The following STPG2 variants were observed in gnomAD, a reference collection of about 807,000 sequenced individuals.
The protein encoded by STPG2 is sperm tail PG-rich repeat containing 2, also known as sperm-tail PG-rich repeat-containing protein 2.
A neutral mutation model predicts 54.2 loss-of-function variants in STPG2; 56 were observed. That is an observed-to-expected ratio of 1.03 (90% CI 0.83 to 1.29). The LOEUF (loss-of-function observed/expected upper bound fraction) is 1.29, where lower values mean the gene tolerates loss of function less well. Among genes scored for constraint, STPG2 ranks in the 50% most tolerant of loss-of-function variants. The pLI is 0.00. For missense variants in STPG2, 596 were observed against 544.9 expected (o/e 1.09, Z -0.93); for synonymous variants, 200 against 181.8 (o/e 1.10, Z -0.81).
chr4:97,688,197 G>A (rs1216332695), intron 10 of STPG2, among the ~76,000 whole-genome samples: 1 of 151,940 alleles, frequency 6.6e-6, no homozygotes, highest in African/African-American at 2.4e-5. Context: ...AAGTTATTGA[G>A]TAGCTTATAC....
chr4:97,755,323 T>A (rs548553889), intron 9 of STPG2, among the ~76,000 whole-genome samples: 8 of 152,274 alleles, frequency 5.3e-5, no homozygotes, highest in Admixed American at 3.3e-4. Flanking sequence ...TGAAAAACAT[T>A]CAACCTGAAT....
At chr4:97,643,333 CA>C (rs1721817349) in intron 10 of STPG2, among the ~76,000 whole-genome samples, 1 of 151,638 alleles carries the variant, frequency 6.6e-6, no homozygotes. Context: ...TTCAATGAAA[CA>C]AACTCTATAC....
chr4:97,548,069 G>C (rs1731881403), intron 4 of STPG2, among the ~76,000 whole-genome samples: 1 of 152,152 alleles, frequency 6.6e-6, no homozygotes, highest in Non-Finnish European at 1.5e-5. Context: ...AGAGTCGCTT[G>C]AACCCTCGAG....
chr4:97,564,744 G>T (rs1360766231), intron 10 of STPG2, among the ~76,000 whole-genome samples: 2 of 152,144 alleles, frequency 1.3e-5, no homozygotes, highest in East Asian at 3.9e-4. Context: ...TTTTCTTTAA[G>T]AATGTTGAAT....
chr4:98,112,072 A>G (rs990281671), intron 3 of STPG2, among the ~76,000 whole-genome samples: 5 of 152,048 alleles, frequency 3.3e-5, no homozygotes, highest in African/African-American at 1.2e-4. Flanking sequence ...ACAGCATATC[A>G]TGGGACTTCT....
intron 9 of STPG2, among the ~76,000 whole-genome samples, chr4:97,722,898 C>T (rs931889159): frequency 2.7e-5 from 4 of 149,888 alleles, no homozygotes; most frequent in African/African-American, 4.9e-5. Context: ...CCCGGGTTCA[C>T]GCCATTCTCC....
chr4:98,051,014 A>AG (rs1431767470), intron 5 of STPG2, among the ~76,000 whole-genome samples: 1 of 68,792 alleles, frequency 1.5e-5, no homozygotes, highest in Non-Finnish European at 3.4e-5. Context: ...CAAAAAAAAG[A>AG]AAAAAAAAAA....
intron 10 of STPG2, among the ~76,000 whole-genome samples, chr4:97,604,038 A>AT (rs1374884088): frequency 6.6e-6 from 1 of 151,724 alleles, no homozygotes; most frequent in Admixed American, 6.6e-5. Flanking sequence ...TATACTCTCC[A>AT]TTTCTGAAAA....
intron 5 of STPG2, among the ~76,000 whole-genome samples, chr4:97,993,299 C>G (rs961313636): frequency 6.6e-6 from 1 of 152,084 alleles, no homozygotes; most frequent in Non-Finnish European, 1.5e-5. Context: ...TAAAGGAATG[C>G]TGGATTTTGT....
At chr4:97,886,547 A>T (rs6825211) in intron 8 of STPG2, among the ~76,000 whole-genome samples, 59,834 of 152,092 alleles carry the variant, frequency 0.39, 11,919 homozygotes, top group Middle Eastern at 0.46. Context: ...ATATATCCAC[A>T]TATGACTAAA....
At chr4:98,075,653 T>C (rs897614750) in intron 5 of STPG2, among the ~76,000 whole-genome samples, 2 of 152,184 alleles carry the variant, frequency 1.3e-5, no homozygotes, top group African/African-American at 4.8e-5. Context: ...AATGGGATAT[T>C]TGGTCTGATA....
intron 10 of STPG2, among the ~76,000 whole-genome samples, chr4:97,681,309 C>T (rs1285385069): frequency 6.6e-6 from 1 of 151,572 alleles, no homozygotes; most frequent in Non-Finnish European, 1.5e-5. Flanking sequence ...CGATATAGAA[C>T]AAGAAAAAGA....
intron 10 of STPG2, among the ~76,000 whole-genome samples, chr4:97,678,118 A>T (rs959534189): frequency 6.6e-6 from 1 of 152,186 alleles, no homozygotes; most frequent in Non-Finnish European, 1.5e-5. Flanking sequence ...AATTGCTAAA[A>T]GGAAATACAT....
intron 7 of STPG2, among the ~76,000 whole-genome samples, chr4:97,956,313 GAAATA>G (rs557079496): frequency 5.6e-4 from 85 of 152,086 alleles, no homozygotes; most frequent in Non-Finnish European, 6.8e-4. Flanking sequence ...TTGATGAAAT[GAAATA>G]AAATAAAATA....
intron 8 of STPG2, among the ~76,000 whole-genome samples, chr4:97,903,784 C>T (rs1264954116): frequency 6.6e-6 from 1 of 152,198 alleles, no homozygotes; most frequent in Non-Finnish European, 1.5e-5. Context: ...TTGCCTCACT[C>T]GGGAAGCGCA....
chr4:97,616,261 T>C (rs1471921631), intron 10 of STPG2, among the ~76,000 whole-genome samples: 1 of 151,254 alleles, frequency 6.6e-6, no homozygotes. Flanking sequence ...AAATATTCCA[T>C]ATTATTTCCT....
chr4:97,616,053 T>A (rs1485101505), intron 10 of STPG2, among the ~76,000 whole-genome samples: 16 of 61,218 alleles, frequency 2.6e-4, no homozygotes, highest in East Asian at 2.0e-3. Context: ...AAAAAATACA[T>A]ATAAATATAT....
intron 4 of STPG2, among the ~76,000 whole-genome samples, chr4:97,494,744 A>G (rs149924299): frequency 2.6e-5 from 4 of 151,436 alleles, no homozygotes; most frequent in Non-Finnish European, 4.4e-5. Context: ...TTTGTGGGAC[A>G]TATTTGAATA....
chr4:98,053,372 C>T (rs187986985), intron 5 of STPG2, among the ~76,000 whole-genome samples: 8 of 152,230 alleles, frequency 5.3e-5, no homozygotes, highest in South Asian at 2.1e-4. Context: ...GCTAATCATA[C>T]GTTCAGAATC....
Sources: gnomAD v4.1 joint callset for allele counts (sites outside exome capture counted in the v4.1 genomes callset) on GRCh38, gnomAD v4.1.1 for gene constraint, MANE v1.5 for transcripts, NCBI Gene and HGNC (gene_info 2026-07-23, HGNC 2026-07-21) for gene names.